The following FAM117B variants were observed in gnomAD, a reference collection of about 807,000 sequenced individuals.
The protein encoded by FAM117B is protein FAM117B.
A neutral mutation model predicts 52.8 loss-of-function variants in FAM117B; 22 were observed. The ratio of observed to expected loss-of-function variants is 0.42; its 90% CI spans 0.30 to 0.59. FAM117B has a LOEUF of 0.59. FAM117B is among the 20% of genes least tolerant of loss of function. FAM117B has a pLI of 0.22. For synonymous variants in FAM117B, 309 were observed against 324.1 expected (o/e 0.95, Z 0.50); for missense variants, 678 against 802.6 (o/e 0.84, Z 1.88).
intron 4 of FAM117B, among the ~76,000 whole-genome samples, chr2:202,740,201 A>AAAAAAAAAAT (rs1559113324): frequency 4.7e-5 from 7 of 147,508 alleles, no homozygotes; most frequent in African/African-American, 1.8e-4. Flanking sequence ...AAAAAAAAAA[A>AAAAAAAAAAT]ATCCCCAAAT....
At chr2:202,693,985 C>G (rs1690670636) in intron 1 of FAM117B, among the ~76,000 whole-genome samples, 1 of 151,548 alleles carries the variant, frequency 6.6e-6, no homozygotes, top group Non-Finnish European at 1.5e-5. Flanking sequence ...TTAATGTGGT[C>G]CATTTATTTA....
intron 2 of FAM117B, among the ~76,000 whole-genome samples, chr2:202,713,843 A>C (rs1469032926): frequency 1.3e-5 from 2 of 152,086 alleles, no homozygotes; most frequent in Non-Finnish European, 2.9e-5. Flanking sequence ...AGTAGCTGGG[A>C]TTTCAGGCAC....
intron 1 of FAM117B, among the ~76,000 whole-genome samples, chr2:202,640,295 A>AATTATAT (rs1689749743): frequency 1.9e-5 from 1 of 51,312 alleles, no homozygotes; most frequent in Non-Finnish European, 3.4e-5. Flanking sequence ...ACCACCACAA[A>AATTATAT]ATATATATAT....
chr2:202,754,704 T>A (rs1005909313), intron 4 of FAM117B, among the ~76,000 whole-genome samples: 3 of 151,552 alleles, frequency 2.0e-5, no homozygotes, highest in Non-Finnish European at 4.4e-5. Flanking sequence ...CTGGCCAATA[T>A]GGTGAAACCC....
At chr2:202,746,963 C>A (rs6715677) in intron 4 of FAM117B, among the ~76,000 whole-genome samples, 634 of 40,788 alleles carry the variant, frequency 0.016, 6 homozygotes, top group African/African-American at 0.037. Flanking sequence ...AAAAACAAAA[C>A]AAAAAAAAAC....
At chr2:202,661,295 A>C (rs1690124266) in intron 1 of FAM117B, among the ~76,000 whole-genome samples, 1 of 152,084 alleles carries the variant, frequency 6.6e-6, no homozygotes, top group Non-Finnish European at 1.5e-5. Context: ...TCCCACCCTT[A>C]CTCCATCAAC....
chr2:202,690,620 G>T (rs6435162), intron 1 of FAM117B, among the ~76,000 whole-genome samples: 73,532 of 151,888 alleles, frequency 0.48, 18,601 homozygotes, highest in East Asian at 0.7. Context: ...CCAAAGAAAG[G>T]GATATAAGGG....
Position 202,759,269 on chromosome 2 carries a change from C to A in FAM117B, c.1367C>A (p.Thr456Asn). The A allele has an allele frequency of 6.2e-7, 1 of 1,614,118 alleles. No individual in the cohort carries two copies. The highest frequency in any genetic ancestry group is 1.1e-5 in the South Asian group (1 of 91,072). ...GNNSPLPKYATSPKPNNSYMF... is the reference protein window; with the variant it reads ...GNNSPLPKYANSPKPNNSYMF... ...AATTCTCCTTTGCCCAAATATGCAA[C>A]CTCACCAAAACCTAACAACAGTTAT... Residue 456 changes from threonine (T) to asparagine (N), a missense_variant, in exon 7 of 8, where the codon ACC (threonine) becomes AAC (asparagine). Physicochemically the swap from Thr to Asn is moderately conservative, Grantham distance 65 (BLOSUM62 0). Coordinates refer to ENST00000392238, the MANE Select transcript of FAM117B (RefSeq NM_173511.4).
At chr2:202,706,838 T>C (rs1690876614) in intron 2 of FAM117B, among the ~76,000 whole-genome samples, 1 of 152,106 alleles carries the variant, frequency 6.6e-6, no homozygotes, top group Non-Finnish European at 1.5e-5. Context: ...GTTAAAATCT[T>C]TTTTTGGGGG....
At chr2:202,703,060 CTG>C (rs1375531691) in intron 2 of FAM117B, among the ~76,000 whole-genome samples, 1 of 152,184 alleles carries the variant, frequency 6.6e-6, no homozygotes, top group Non-Finnish European at 1.5e-5. Flanking sequence ...TGAGTTATAA[CTG>C]TATATAATTT....
chr2:202,761,001 C>T (rs1034331896), intron 7 of FAM117B, among the ~76,000 whole-genome samples: 5 of 152,042 alleles, frequency 3.3e-5, no homozygotes, highest in Non-Finnish European at 7.4e-5. Flanking sequence ...TTGACCTCCC[C>T]GGGCTCAGGC....
intron 2 of FAM117B, 116 bp downstream of exon 2, chr2:202,696,148 G>A: frequency 8.7e-7 from 1 of 1,147,790 alleles, no homozygotes; most frequent in Non-Finnish European, 1.2e-6. Flanking sequence ...ATTAACTTGA[G>A]AAACTTACCA....
chr2:202,713,635 G>A (rs1344859873), intron 2 of FAM117B, among the ~76,000 whole-genome samples: 4 of 152,014 alleles, frequency 2.6e-5, no homozygotes, highest in Non-Finnish European at 4.4e-5. Flanking sequence ...GTTTTTTGAT[G>A]TAGGCACTTT....
At chr2:202,669,384 C>T (rs1243672900) in intron 1 of FAM117B, among the ~76,000 whole-genome samples, 1 of 152,086 alleles carries the variant, frequency 6.6e-6, no homozygotes, top group East Asian at 1.9e-4. Context: ...GCTTTTCAGT[C>T]CCAAATAGTA....
At chr2:202,657,887 A>G (rs186399446) in intron 1 of FAM117B, among the ~76,000 whole-genome samples, 14 of 151,586 alleles carry the variant, frequency 9.2e-5, no homozygotes, top group African/African-American at 3.1e-4. Context: ...GACTCTTTGT[A>G]TGTTTTGTTT....
At chr2:202,683,146 G>A (rs1690488475) in intron 1 of FAM117B, among the ~76,000 whole-genome samples, 1 of 152,116 alleles carries the variant, frequency 6.6e-6, no homozygotes, top group African/African-American at 2.4e-5. Flanking sequence ...TGGCTAGCAA[G>A]GTGAAACCCC....
rs1689721730 is a variant in FAM117B at position 202,638,668 on chromosome 2, G to A, written c.601+2880G>A. ...ATCTGTATCAGAATTAGGGTGTGTGGTATAATAAAAAATAATTTGGCCAGG... is the reference window on the plus strand; with the variant it reads ...ATCTGTATCAGAATTAGGGTGTGTGATATAATAAAAAATAATTTGGCCAGG... On this transcript the variant is annotated intron_variant, in intron 1 of 7. Transcript: ENST00000392238. 2.0e-5 allele frequency among the ~76,000 whole-genome samples: 3 copies of A among 152,232 alleles called. No homozygotes were observed. In the South Asian group the frequency reaches 6.2e-4, roughly 31 times the overall value.
chr2:202,693,252 T>G (rs1215195567), intron 1 of FAM117B, among the ~76,000 whole-genome samples: 1 of 152,180 alleles, frequency 6.6e-6, no homozygotes, highest in Admixed American at 6.5e-5. Flanking sequence ...AATTAGTAAT[T>G]AAAACACTAA....
At chr2:202,754,806 C>T (rs1691776606) in intron 4 of FAM117B, among the ~76,000 whole-genome samples, 1 of 140,098 alleles carries the variant, frequency 7.1e-6, no homozygotes, top group African/African-American at 2.7e-5. Flanking sequence ...AGAAGAGTCG[C>T]TTGAACATGG....
Sources: gnomAD v4.1 joint callset for allele counts (sites outside exome capture counted in the v4.1 genomes callset) on GRCh38, gnomAD v4.1.1 for gene constraint, MANE v1.5 for transcripts, NCBI Gene and HGNC (gene_info 2026-07-23, HGNC 2026-07-21) for gene names.